The following DAB1 variants were observed in gnomAD, a reference collection of about 807,000 sequenced individuals.
DAB1 encodes DAB adaptor protein 1, also known as disabled homolog 1.
Under a neutral mutation model 64.6 loss-of-function variants are expected in DAB1, and 15 were observed. That is an observed-to-expected ratio of 0.23 (90% CI 0.16 to 0.36). DAB1 has a LOEUF of 0.36. Ranked by LOEUF, DAB1 falls within the 10% of genes least tolerant of loss-of-function variation. The probability of loss-of-function intolerance (pLI) is 1.00; values close to 1 mark genes in which losing one functional copy is unlikely to be tolerated. For missense variants in DAB1, 596 were observed against 706.7 expected (o/e 0.84, Z 1.78); for synonymous variants, 235 against 251.9 (o/e 0.93, Z 0.64).
chr1:57,996,113 G>A (rs1646420997), intron 5 of DAB1, among the ~76,000 whole-genome samples: 1 of 152,082 alleles, frequency 6.6e-6, no homozygotes, highest in African/African-American at 2.4e-5. Context: ...ACAAAAATTA[G>A]CTAGGCATGG....
At chr1:57,569,742 A>G (rs1226826700) in intron 7 of DAB1, among the ~76,000 whole-genome samples, 2 of 152,166 alleles carry the variant, frequency 1.3e-5, no homozygotes, top group African/African-American at 4.8e-5. Context: ...AACCTAAAGT[A>G]TACTAATAAA....
upstream of DAB1, among the ~76,000 whole-genome samples, chr1:57,887,557 C>T (rs138011244): frequency 1.6e-3 from 243 of 152,290 alleles, 5 homozygotes; most frequent in South Asian, 0.042. Context: ...GAAGTAGTTG[C>T]ATTCCTATCA....
intron 4 of DAB1, among the ~76,000 whole-genome samples, chr1:58,154,635 G>A (rs550039587): frequency 3.9e-4 from 60 of 152,236 alleles, no homozygotes; most frequent in African/African-American, 1.4e-3. Flanking sequence ...CTAAAGGAGG[G>A]TGACTGGCTC....
intron 1 of DAB1, chr1:57,875,248 T>C (rs577254939): frequency 6.6e-6 from 1 of 152,416 alleles, no homozygotes; most frequent in African/African-American, 2.4e-5. Context: ...TGTCTGGTTC[T>C]TGACTACCTG....
At chr1:57,539,547 A>G (rs1311913854) in intron 7 of DAB1, among the ~76,000 whole-genome samples, 1 of 152,210 alleles carries the variant, frequency 6.6e-6, no homozygotes, top group African/African-American at 2.4e-5. Flanking sequence ...CCTTTCTTCT[A>G]TAAATTCTCT....
chr1:58,360,817 G>A (rs1198949891), intron 3 of DAB1, among the ~76,000 whole-genome samples: 1 of 151,982 alleles, frequency 6.6e-6, no homozygotes, highest in African/African-American at 2.4e-5. Flanking sequence ...AGAGTATTTG[G>A]AATTTGCACA....
intron 6 of DAB1, among the ~76,000 whole-genome samples, chr1:57,747,911 G>T (rs566640125): frequency 4.6e-5 from 7 of 150,728 alleles, no homozygotes; most frequent in African/African-American, 1.5e-4. Flanking sequence ...ATAGAGTGTC[G>T]CTGGAAGGCT....
intron 6 of DAB1, among the ~76,000 whole-genome samples, chr1:57,698,188 G>A (rs1225477644): frequency 6.6e-6 from 1 of 151,714 alleles, no homozygotes; most frequent in East Asian, 1.9e-4. Context: ...CTGGGCTCAA[G>A]GAACCCTCCT....
chr1:57,421,903 GGGGGGGGGGGTGGC>G (rs1384608412), intron 1 of DAB1, among the ~76,000 whole-genome samples: 6 of 46,364 alleles, frequency 1.3e-4, no homozygotes, highest in Non-Finnish European at 2.3e-4. Context: ...GGGGGGTGGC[GGGGGGGGGGGTGGC>G]GGGGGGGGGT....
intron 7 of DAB1, among the ~76,000 whole-genome samples, chr1:57,563,176 C>T (rs185651750): frequency 1.3e-3 from 193 of 152,248 alleles, no homozygotes; most frequent in African/African-American, 2.6e-3. Context: ...TAGAAGAAGG[C>T]GGTCATCAAT....
chr1:58,344,547 C>G (rs1454136023), intron 3 of DAB1, among the ~76,000 whole-genome samples: 2 of 152,176 alleles, frequency 1.3e-5, no homozygotes, highest in African/African-American at 2.4e-5. Context: ...ACCCTCCACC[C>G]CCTGCCTCAG....
At chr1:57,650,516 A>T (rs57303073) in intron 6 of DAB1, among the ~76,000 whole-genome samples, 3,253 of 152,288 alleles carry the variant, frequency 0.021, 114 homozygotes, top group African/African-American at 0.074. Flanking sequence ...TATAAAAATA[A>T]TTTTTTAAAT....
intron 3 of DAB1, chr1:58,480,882 TCAAA>T: frequency 1.4e-6 from 1 of 719,614 alleles, no homozygotes; most frequent in Non-Finnish European, 2.3e-6. Flanking sequence ...TTTTTTCACT[TCAAA>T]CATCATTTTT....
chr1:57,061,236 G>T lies in DAB1; in HGVS notation c.723+1648C>A, dbSNP rs985697720. 2.0e-4 allele frequency among the ~76,000 whole-genome samples: 30 copies of T among 151,068 alleles called. No homozygotes were observed. In the East Asian group the frequency reaches 5.6e-3, roughly 28 times the overall value. On this transcript the variant is annotated intron_variant, in intron 9 of 14. Coordinates refer to ENST00000371236, the MANE Select transcript of DAB1 (RefSeq NM_001365792.1). ...CAGAAGCCATATTTAGATGGGGGGG[G>T]GGGGTGGTTTCAAGATCCTGGAAGA...
intron 5 of DAB1, among the ~76,000 whole-genome samples, chr1:58,101,185 T>C (rs1336815124): frequency 6.6e-6 from 1 of 151,994 alleles, no homozygotes; most frequent in African/African-American, 2.4e-5. Flanking sequence ...GGCATGGTGG[T>C]GGGCACCTGT....
intron 4 of DAB1, among the ~76,000 whole-genome samples, chr1:58,313,693 A>G (rs1369722734): frequency 2.0e-5 from 3 of 152,150 alleles, no homozygotes; most frequent in Non-Finnish European, 4.4e-5. Flanking sequence ...GGGTGGCTTA[A>G]GCAGCCGACA....
At chr1:57,350,211 C>A (rs1678467553) in intron 1 of DAB1, among the ~76,000 whole-genome samples, 1 of 152,160 alleles carries the variant, frequency 6.6e-6, no homozygotes, top group Non-Finnish European at 1.5e-5. Flanking sequence ...AATGCAGACA[C>A]AATTTTTATC....
intron 7 of DAB1, among the ~76,000 whole-genome samples, chr1:57,489,341 T>G (rs1358092286): frequency 6.6e-6 from 1 of 152,198 alleles, no homozygotes; most frequent in African/African-American, 2.4e-5. Flanking sequence ...TCTGTGGTCT[T>G]AGCTATTGGT....
At chr1:57,646,898 C>T (rs1646197632) in intron 7 of DAB1, among the ~76,000 whole-genome samples, 2 of 152,206 alleles carry the variant, frequency 1.3e-5, no homozygotes, top group African/African-American at 4.8e-5. Context: ...CCCTTCTCAC[C>T]CAGCACAGAC....
Sources: allele counts gnomAD v4.1 joint callset (sites outside exome capture counted in the v4.1 genomes callset), GRCh38; gene constraint gnomAD v4.1.1; transcripts MANE v1.5; gene names NCBI Gene and HGNC (gene_info 2026-07-23, HGNC 2026-07-21).